RNF180: variants seen among roughly 807,000 people sequenced by gnomAD.
RNF180 encodes E3 ubiquitin-protein ligase RNF180.
RNF180 carries 38 observed loss-of-function variants against 59.2 expected under a neutral mutation model. The ratio of observed to expected loss-of-function variants is 0.64; its 90% CI spans 0.50 to 0.84. The LOEUF is 0.84. Ranked by LOEUF, RNF180 falls within the 40% of genes least tolerant of loss-of-function variation. The pLI, the probability that RNF180 is intolerant of heterozygous loss-of-function variation, is 0.00. For missense variants in RNF180, 705 were observed against 700.9 expected, an observed-to-expected ratio of 1.01 and a Z score of -0.07; for synonymous variants, 262 against 240.3, an observed-to-expected ratio of 1.09 and a Z score of -0.84.
At chr5:64,198,807 CA>C (rs1751582373) in intron 1 of RNF180, among the ~76,000 whole-genome samples, 1 of 151,312 alleles carries the variant, frequency 6.6e-6, no homozygotes, top group Non-Finnish European at 1.5e-5. Flanking sequence ...AGAACATTTG[CA>C]AATTAAACAA....
chr5:64,302,011 T>C (rs188261677), intron 5 of RNF180, among the ~76,000 whole-genome samples: 9 of 151,732 alleles, frequency 5.9e-5, no homozygotes, highest in African/African-American at 2.2e-4. Context: ...TTCTCTTTTT[T>C]ACACATGTAA....
At chr5:64,278,721 C>A (rs1741851560) in intron 5 of RNF180, among the ~76,000 whole-genome samples, 1 of 152,030 alleles carries the variant, frequency 6.6e-6, no homozygotes, top group Non-Finnish European at 1.5e-5. Context: ...GTTAACTTAC[C>A]TTTGAACATG....
chr5:64,253,443 A>G (rs1221764381), intron 5 of RNF180, among the ~76,000 whole-genome samples: 3 of 152,168 alleles, frequency 2.0e-5, no homozygotes, highest in African/African-American at 7.2e-5. Context: ...TCAAAGGCCA[A>G]ATAAATTAAA....
intron 5 of RNF180, among the ~76,000 whole-genome samples, chr5:64,319,376 T>C (rs895898459): frequency 3.3e-5 from 5 of 152,164 alleles, no homozygotes; most frequent in African/African-American, 1.2e-4. Context: ...GTACTATACA[T>C]TATACTATTG....
chr5:64,263,652 A>G (rs961883913), intron 5 of RNF180, among the ~76,000 whole-genome samples: 16 of 152,162 alleles, frequency 1.1e-4, no homozygotes, highest in African/African-American at 3.9e-4. Context: ...AATTCATGAC[A>G]AAACATCATT....
chr5:64,213,940 CAA>C lies in RNF180; in HGVS notation c.617_618del (p.Lys206IlefsTer20), dbSNP rs781109722. 6.2e-7 allele frequency: 1 copy of C among 1,613,950 alleles called. No homozygotes were observed. The highest frequency in any genetic ancestry group is 1.1e-5 in the South Asian group (1 of 91,082). On this transcript the variant is annotated frameshift_variant, in exon 4 of 8. Coordinates refer to ENST00000389100, the MANE Select transcript of RNF180 (RefSeq NM_001113561.2). LOFTEE classifies it high-confidence loss of function. ...AAACTGCTGTCCAAAGCATCAGAAC[CAA>C]AATACCAGCTTTTTGTTCCCCAGCT...
At chr5:64,307,765 T>C (rs1743551036) in intron 5 of RNF180, among the ~76,000 whole-genome samples, 1 of 151,802 alleles carries the variant, frequency 6.6e-6, no homozygotes, top group African/African-American at 2.4e-5. Context: ...TTTCACGTAA[T>C]GTATTGAATA....
intron 5 of RNF180, among the ~76,000 whole-genome samples, chr5:64,304,136 A>G (rs1163227207): frequency 2.7e-5 from 4 of 146,984 alleles, no homozygotes; most frequent in Non-Finnish European, 6.1e-5. Context: ...TCCTTCCCAG[A>G]AAAAAAAAGG....
At chr5:64,173,972 C>T (rs1750090313) in intron 1 of RNF180, among the ~76,000 whole-genome samples, 1 of 152,134 alleles carries the variant, frequency 6.6e-6, no homozygotes, top group Non-Finnish European at 1.5e-5. Flanking sequence ...CCTTGGCCTC[C>T]CGAATTGCTG....
intron 7 of RNF180, among the ~76,000 whole-genome samples, chr5:64,335,763 A>G (rs910197472): frequency 3.9e-5 from 6 of 152,056 alleles, no homozygotes; most frequent in African/African-American, 1.4e-4. Context: ...TTGCTCTTCC[A>G]TATAAATTTT....
chr5:64,279,321 T>C (rs1317312626), intron 5 of RNF180, among the ~76,000 whole-genome samples: 1 of 152,200 alleles, frequency 6.6e-6, no homozygotes, highest in Non-Finnish European at 1.5e-5. Flanking sequence ...AATTTTATTT[T>C]AATAGTGGGT....
At chr5:64,289,756 TTG>T (rs1405125722) in intron 5 of RNF180, among the ~76,000 whole-genome samples, 2 of 152,286 alleles carry the variant, frequency 1.3e-5, no homozygotes, top group East Asian at 3.9e-4. Flanking sequence ...TCATTTCTGA[TTG>T]TGTTTCTTTG....
chr5:64,171,617 T>C, intron 1 of RNF180, among the ~76,000 whole-genome samples: 1 of 152,210 alleles, frequency 6.6e-6, no homozygotes, highest in Admixed American at 6.5e-5. Context: ...AAATAGCTTT[T>C]ATAACTTTAT....
At chr5:64,307,153 T>C (rs893214311) in intron 5 of RNF180, among the ~76,000 whole-genome samples, 3 of 149,930 alleles carry the variant, frequency 2.0e-5, no homozygotes. Context: ...CAGGCATTAA[T>C]AACCAATTAT....
intron 7 of RNF180, among the ~76,000 whole-genome samples, chr5:64,362,592 G>C (rs1189688793): frequency 6.6e-6 from 1 of 151,762 alleles, no homozygotes; most frequent in Non-Finnish European, 1.5e-5. Flanking sequence ...ATATTCCTTT[G>C]GGTATATACC....
intron 1 of RNF180, among the ~76,000 whole-genome samples, chr5:64,192,688 A>T (rs1192758416): frequency 6.6e-6 from 1 of 151,834 alleles, no homozygotes; most frequent in African/African-American, 2.4e-5. Flanking sequence ...CAAACAAACA[A>T]AACACAGTAT....
chr5:64,325,410 A>G lies in RNF180; in HGVS notation c.1452A>G (p.Thr484=), dbSNP rs1744590746. Residue 484 remains threonine (T), a splice_region_variant and synonymous_variant, in exon 6 of 8, where the codon ACA becomes ACG. Transcript: ENST00000389100. ...RTIISRVFFQ[T]ELNNATKTFF... is the part of the protein sequence containing the mutation. ...TTATTTCTAGAGTCTTTTTCCAAACAGGTAACAATTCTCTTTCATTAACAT... is the reference window on the plus strand; with the variant it reads ...TTATTTCTAGAGTCTTTTTCCAAACGGGTAACAATTCTCTTTCATTAACAT... 5 of 1,527,418 alleles carry G rather than the reference A, an allele frequency of 3.3e-6. No individual in the cohort carries two copies. Among genetic ancestry groups the G allele is most frequent in the Middle Eastern group, 1.7e-4 (1 of 5,980 alleles). 94.6% of individuals were successfully genotyped at this position (1,527,418 alleles called of 1,614,324 possible).
chr5:64,186,910 T>C (rs562635754), intron 1 of RNF180, among the ~76,000 whole-genome samples: 1 of 152,286 alleles, frequency 6.6e-6, no homozygotes, highest in South Asian at 2.1e-4. Flanking sequence ...AATTTCTACC[T>C]TTTCATATAT....
intron 7 of RNF180, among the ~76,000 whole-genome samples, chr5:64,354,931 C>T (rs1351738241): frequency 1.3e-5 from 2 of 151,870 alleles, no homozygotes; most frequent in African/African-American, 4.8e-5. Flanking sequence ...TTCAACATGA[C>T]ACTGGGCACT....
Sources: allele counts gnomAD v4.1 joint callset (sites outside exome capture counted in the v4.1 genomes callset), GRCh38; gene constraint gnomAD v4.1.1; transcripts MANE v1.5; gene names NCBI Gene and HGNC (gene_info 2026-07-23, HGNC 2026-07-21).